The following TMX4 variants were observed in gnomAD, a reference collection of about 807,000 sequenced individuals.
TMX4 encodes the protein thioredoxin-related transmembrane protein 4.
Under a neutral mutation model 33.3 loss-of-function variants are expected in TMX4, and 23 were observed. The ratio of observed to expected loss-of-function variants is 0.69; its 90% CI spans 0.50 to 0.98. The LOEUF (loss-of-function observed/expected upper bound fraction) is 0.98, where lower values mean the gene tolerates loss of function less well. Among genes scored for constraint, TMX4 ranks in the 50% least tolerant of loss-of-function variants. TMX4 has a pLI of 0.00. For synonymous variants in TMX4, 164 were observed against 161.5 expected (o/e 1.02, Z -0.12); for missense variants, 399 against 448.9 (o/e 0.89, Z 1.01).
intron 5 of TMX4, among the ~76,000 whole-genome samples, chr20:7,992,861 G>A (rs2050660849): frequency 6.6e-6 from 1 of 152,048 alleles, no homozygotes; most frequent in South Asian, 2.1e-4. Flanking sequence ...AGCTCAATAG[G>A]CTCTGATCTA....
At chr20:8,002,810 A>G (rs182616808) in intron 2 of TMX4, among the ~76,000 whole-genome samples, 1 of 152,290 alleles carries the variant, frequency 6.6e-6, no homozygotes, top group East Asian at 1.9e-4. Context: ...AGAATTCTGT[A>G]TTTTATTTCA....
chr20:7,995,681 C>T (rs1056394028), intron 5 of TMX4, among the ~76,000 whole-genome samples: 2 of 152,138 alleles, frequency 1.3e-5, no homozygotes, highest in Non-Finnish European at 2.9e-5. Flanking sequence ...ACATACAGAA[C>T]TACTTTCAGT....
intron 1 of TMX4, among the ~76,000 whole-genome samples, chr20:8,011,989 A>T (rs1340488502): frequency 1.3e-5 from 2 of 152,154 alleles, no homozygotes; most frequent in Admixed American, 6.5e-5. Context: ...CTGAATAAAC[A>T]AGTGTATCAA....
chr20:7,983,728 G>A, intron 7 of TMX4, 66 bp downstream of exon 7: 1 of 1,358,732 alleles, frequency 7.4e-7, no homozygotes, highest in Non-Finnish European at 1.0e-6. Flanking sequence ...CTATCTATAT[G>A]AGCACAAAAA....
rs145114783 is a variant in TMX4 at position 8,000,278 on chromosome 20, C to T, written c.339-418G>A. 2.7e-3 allele frequency among the ~76,000 whole-genome samples: 410 copies of T among 152,114 alleles called. 4 individuals are homozygous for T. Among genetic ancestry groups the T allele is most frequent in the African/African-American group, 9.2e-3 (382 of 41,492 alleles). ...CAAACATCAACAAAAAACGTCATAC[C>T]CCCCTTCAACCTGGCCTCCCTCTCA... On this transcript the variant is annotated intron_variant, in intron 3 of 7. Coordinates refer to ENST00000246024, the MANE Select transcript of TMX4 (RefSeq NM_021156.4).
intron 1 of TMX4, among the ~76,000 whole-genome samples, chr20:8,014,538 A>C (rs2050764793): frequency 6.6e-6 from 1 of 152,228 alleles, no homozygotes; most frequent in African/African-American, 2.4e-5. Flanking sequence ...TTGTTCCTTT[A>C]CTTAAAAGCT....
At chr20:8,017,841 A>C (rs2122887994) in intron 1 of TMX4, among the ~76,000 whole-genome samples, 1 of 152,282 alleles carries the variant, frequency 6.6e-6, no homozygotes, top group East Asian at 1.9e-4. Flanking sequence ...TGACCCCCTC[A>C]CCTTCTTCCA....
chr20:8,002,979 G>A (rs1228692425), intron 2 of TMX4, among the ~76,000 whole-genome samples: 3 of 152,084 alleles, frequency 2.0e-5, no homozygotes, highest in Admixed American at 1.3e-4. Flanking sequence ...ACATAAACAC[G>A]AGTGACCCAA....
intron 6 of TMX4, among the ~76,000 whole-genome samples, chr20:7,984,735 A>G (rs2050623242): frequency 6.6e-6 from 1 of 152,168 alleles, no homozygotes; most frequent in Admixed American, 6.5e-5. Context: ...TAATTACCAT[A>G]TCCATCATCT....
In TMX4 at chr20:7,982,457, C is replaced by G. The variant is rs1348856482; in HGVS notation, c.844G>C (p.Glu282Gln). 3 of 1,614,122 alleles carry G rather than the reference C, an allele frequency of 1.9e-6. No individual in the cohort carries two copies. The Admixed American group carries it at 5.0e-5, about 27-fold the overall frequency. ...TCCACACCAGCAGCCAAGTTGTCCT[C>G]CTCCTCTTCTTCCTCTGCTTCATCC... ...DEDEAEEEEE[E>Q]DNLAAGVDEE... Residue 282 changes from glutamate to glutamine, a missense_variant, in exon 8 of 8, where the codon GAG becomes CAG. By Grantham distance (29) the Glu-to-Gln change is conservative. Transcript: ENST00000246024.
intron 1 of TMX4, chr20:8,019,109 C>A: frequency 2.1e-6 from 1 of 486,060 alleles, no homozygotes. Flanking sequence ...CTGCCCACTC[C>A]ACCCCGAAAA....
At chr20:8,001,941 G>A (rs1006755565) in intron 2 of TMX4, among the ~76,000 whole-genome samples, 63 of 152,260 alleles carry the variant, frequency 4.1e-4, no homozygotes, top group African/African-American at 1.1e-3. Flanking sequence ...TAGGGCAAGT[G>A]TTATTAGGCT....
intron 2 of TMX4, 34 bp from the exon 3 acceptor site, chr20:8,001,575 T>G (rs1465832983): frequency 6.3e-7 from 1 of 1,575,602 alleles, no homozygotes; most frequent in African/African-American, 1.4e-5. Flanking sequence ...AAAGTTACAC[T>G]TAAGTCCTCC....
At chr20:8,000,059 T>A (rs1301121957) in intron 3 of TMX4, among the ~76,000 whole-genome samples, 199 bp from the exon 4 acceptor site, 1 of 152,208 alleles carries the variant, frequency 6.6e-6, no homozygotes, top group African/African-American at 2.4e-5. Context: ...CCTAAAAGCG[T>A]TAACATTCTA....
intron 1 of TMX4, among the ~76,000 whole-genome samples, chr20:8,012,827 T>C (rs1315542914): frequency 6.6e-6 from 1 of 152,174 alleles, no homozygotes; most frequent in Admixed American, 6.5e-5. Flanking sequence ...ATTTTAGATA[T>C]GCCATTTCTA....
At chr20:7,991,282 A>G (rs907721258) in intron 5 of TMX4, among the ~76,000 whole-genome samples, 1 of 152,210 alleles carries the variant, frequency 6.6e-6, no homozygotes, top group African/African-American at 2.4e-5. Context: ...TACATCCTAT[A>G]TTATCAGTGA....
chr20:8,000,889 C>T (rs112956549), intron 3 of TMX4, among the ~76,000 whole-genome samples: 1,655 of 152,236 alleles, frequency 0.011, 12 homozygotes, highest in Admixed American at 0.017. Flanking sequence ...ATTTTAATGG[C>T]TCCTAATCAT....
rs2050606176 is a variant in TMX4, at chr20:7,981,539, TATCTAAACCCCTTAGGTCAGAATGAACAA to T, written c.*683_*711del. 6.6e-6 allele frequency: 1 copy of T among 152,196 alleles called. No individual in the cohort carries two copies. The highest frequency in any genetic ancestry group is 1.5e-5 in the Non-Finnish European group (1 of 68,030). 9.4% of individuals were successfully genotyped at this position (152,196 alleles called of 1,614,324 possible). A position where few individuals can be genotyped will look rare whatever the true frequency, so the allele number is the denominator to read the frequency against. On this transcript the variant is annotated 3_prime_UTR_variant, in exon 8 of 8. Transcript: ENST00000246024. ...AGCTTCAGGGGTTATGGTTACTGATTATCTAAACCCCTTAGGTCAGAATGAACAAACACAGTTCATGTAAACCTGGCTGT... is the reference window on the plus strand; with the variant it reads ...AGCTTCAGGGGTTATGGTTACTGATTACACAGTTCATGTAAACCTGGCTGT...
At chr20:7,994,440 A>C (rs2050667715) in intron 5 of TMX4, among the ~76,000 whole-genome samples, 1 of 152,192 alleles carries the variant, frequency 6.6e-6, no homozygotes, top group Admixed American at 6.5e-5. Flanking sequence ...TACACATTGT[A>C]ATCATCTGCA....
Sources: allele counts gnomAD v4.1 joint callset (sites outside exome capture counted in the v4.1 genomes callset), GRCh38; gene constraint gnomAD v4.1.1; transcripts MANE v1.5; gene names NCBI Gene and HGNC (gene_info 2026-07-23, HGNC 2026-07-21).